NPTN: variants seen among roughly 807,000 people sequenced by gnomAD.
The protein encoded by NPTN is SDR-1.
A neutral mutation model predicts 42.7 loss-of-function variants in NPTN; 5 were observed. The observed-to-expected ratio is 0.12, with a 90% CI of 0.06 to 0.25. NPTN has a LOEUF of 0.25. Ranked by LOEUF, NPTN falls within the 10% of genes least tolerant of loss-of-function variation. The pLI is 1.00. For synonymous variants in NPTN, 180 were observed against 201.9 expected (o/e 0.89, Z 0.92); for missense variants, 307 against 525.4 (o/e 0.58, Z 4.06).
At chr15:73,567,011 T>C in intron 6 of NPTN, 2 of 977,114 alleles carry the variant, frequency 2.0e-6, no homozygotes, top group East Asian at 1.1e-4. Flanking sequence ...GCTTTTTTTT[T>C]TTTTTTTTTT....
At chr15:73,600,076 C>T (rs1897014152) in intron 1 of NPTN, among the ~76,000 whole-genome samples, 1 of 152,304 alleles carries the variant, frequency 6.6e-6, no homozygotes, top group Non-Finnish European at 1.5e-5. Context: ...TCACAGGTAG[C>T]TGAGAAACAG....
At chr15:73,602,814 T>A (rs1897133796) in intron 1 of NPTN, among the ~76,000 whole-genome samples, 1 of 152,166 alleles carries the variant, frequency 6.6e-6, no homozygotes, top group Non-Finnish European at 1.5e-5. Flanking sequence ...ATTTTCCAAA[T>A]TCAAACCTGC....
At chr15:73,617,635 CAATTCTTT>C (rs1897925306) in intron 1 of NPTN, among the ~76,000 whole-genome samples, 2 of 152,192 alleles carry the variant, frequency 1.3e-5, no homozygotes, top group African/African-American at 2.4e-5. Flanking sequence ...AGACTTGACA[CAATTCTTT>C]AGTTCTTTCT....
intron 1 of NPTN, among the ~76,000 whole-genome samples, chr15:73,612,346 G>C (rs902276710): frequency 6.6e-6 from 1 of 151,402 alleles, no homozygotes; most frequent in Non-Finnish European, 1.5e-5. Flanking sequence ...CTGGACCCAG[G>C]AGGTCGAAGC....
chr15:73,593,731 T>C (rs936572297), intron 2 of NPTN, among the ~76,000 whole-genome samples: 1 of 152,246 alleles, frequency 6.6e-6, no homozygotes, highest in Non-Finnish European at 1.5e-5. Flanking sequence ...TTTGCTCAAT[T>C]AACAAATTAG....
At chr15:73,581,938 G>T (rs1045172574) in intron 4 of NPTN, among the ~76,000 whole-genome samples, 30 of 151,996 alleles carry the variant, frequency 2.0e-4, no homozygotes, top group Non-Finnish European at 1.5e-5. Context: ...GGGTTCAAGC[G>T]ATTCTTCTGC....
At chr15:73,622,445 G>T (rs1323519921) in intron 1 of NPTN, among the ~76,000 whole-genome samples, 1 of 149,554 alleles carries the variant, frequency 6.7e-6, no homozygotes, top group East Asian at 1.9e-4. Context: ...TACCCTTTAG[G>T]CAATAATGCC....
intron 2 of NPTN, among the ~76,000 whole-genome samples, chr15:73,593,821 T>A (rs1896708386): frequency 6.6e-6 from 1 of 152,100 alleles, no homozygotes; most frequent in Non-Finnish European, 1.5e-5. Context: ...TCAAACAGGG[T>A]CTCTATGTAC....
intron 1 of NPTN, among the ~76,000 whole-genome samples, chr15:73,618,186 T>C (rs1040741781): frequency 2.0e-5 from 3 of 152,228 alleles, no homozygotes; most frequent in African/African-American, 7.2e-5. Context: ...CAGGAATTAA[T>C]TTCCTTTGTG....
At chr15:73,595,453 CTCTCCTACCACT>C (rs1361099731) in intron 2 of NPTN, among the ~76,000 whole-genome samples, 2 of 152,190 alleles carry the variant, frequency 1.3e-5, no homozygotes, top group Non-Finnish European at 2.9e-5. Context: ...CTGCAGCAGC[CTCTCCTACCACT>C]GCCCTACAAA....
chr15:73,592,227 C>A, intron 2 of NPTN, 90 bp from the exon 3 acceptor site: 1 of 1,126,984 alleles, frequency 8.9e-7, no homozygotes, highest in Admixed American at 2.5e-5. Flanking sequence ...GAGGGGGAAA[C>A]TAGAAAAAGA....
Position 73,569,101 on chromosome 15 carries a change from C to G in NPTN, c.1114+1049G>C, listed in dbSNP as rs1469003931. 3.1e-6 allele frequency: 3 copies of G among 983,312 alleles called. No individual in the cohort carries two copies. Among genetic ancestry groups the G allele is most frequent in the Non-Finnish European group, 3.6e-6 (3 of 828,514 alleles). The allele number at this position is 983,312 out of a possible 1,614,324, so 60.9% of individuals were successfully genotyped here. A position where few individuals can be genotyped will look rare whatever the true frequency, so the allele number is the denominator to read the frequency against. On this transcript the variant is annotated intron_variant, in intron 6 of 8. Transcript: ENST00000345330. The surrounding 1 kb of genome is among the most constrained non-coding windows in gnomAD (Gnocchi z 4.1). ...CTACAGCTGGCAACCCCACCATCAC[C>G]CCGGGTAGGCTACCACTGAGCCCAG...
intron 1 of NPTN, among the ~76,000 whole-genome samples, chr15:73,604,150 A>C (rs1051167944): frequency 6.6e-6 from 1 of 152,206 alleles, no homozygotes; most frequent in Admixed American, 6.5e-5. Flanking sequence ...GTCAATGACA[A>C]AAAAGAAAAA....
intron 3 of NPTN, 49 bp from the exon 4 acceptor site, chr15:73,587,667 A>C: frequency 1.5e-6 from 2 of 1,316,250 alleles, no homozygotes; most frequent in Non-Finnish European, 2.2e-6. Context: ...GAACGGTCAA[A>C]ATATAAAACA....
chr15:73,576,546 C>G (rs967025580), intron 4 of NPTN, among the ~76,000 whole-genome samples: 1 of 152,154 alleles, frequency 6.6e-6, no homozygotes, highest in African/African-American at 2.4e-5. Context: ...CCAGGCTGGT[C>G]TCAAACTACT....
At chr15:73,605,499 C>T (rs907749568) in intron 1 of NPTN, among the ~76,000 whole-genome samples, 6 of 151,944 alleles carry the variant, frequency 3.9e-5, no homozygotes, top group African/African-American at 9.7e-5. Context: ...GAGGCCGAGG[C>T]GGGCAGATCA....
At chr15:73,632,880 G>A (rs1898833615) in intron 1 of NPTN, 1 of 385,014 alleles carries the variant, frequency 2.6e-6, no homozygotes, top group Non-Finnish European at 4.6e-6. Flanking sequence ...ACGACGTGGA[G>A]CCTCCGAGTG....
chr15:73,619,612 T>G (rs1433690110), intron 1 of NPTN, among the ~76,000 whole-genome samples: 5 of 152,234 alleles, frequency 3.3e-5, no homozygotes, highest in Non-Finnish European at 5.9e-5. Context: ...GAGGGTGATC[T>G]ACTGAAATAG....
Position 73,560,027 on chromosome 15 carries a change from T to C in NPTN, c.*1036A>G. The stretch of plus-strand genomic sequence containing the variant: ...GTATTATCCAAACACCTTTTATCAA[T>C]GTTTTATTTTTAAAAACAGGTGAAT... On this transcript the variant is annotated 3_prime_UTR_variant, in exon 9 of 9. Coordinates refer to ENST00000345330, the MANE Select transcript of NPTN (RefSeq NM_012428.4). 2.8e-6 allele frequency: 3 copies of C among 1,053,186 alleles called. No individual in the cohort carries two copies. Among genetic ancestry groups the C allele is most frequent in the Non-Finnish European group, 4.0e-6 (3 of 756,220 alleles). 65.2% of individuals were successfully genotyped at this position (1,053,186 alleles called of 1,614,324 possible).
Sources: allele counts gnomAD v4.1 joint callset (sites outside exome capture counted in the v4.1 genomes callset), GRCh38; gene constraint gnomAD v4.1.1; non-coding constraint Gnocchi (gnomAD v3.1); transcripts MANE v1.5; gene names NCBI Gene and HGNC (gene_info 2026-07-23, HGNC 2026-07-21).